The following PTPRK variants were observed in gnomAD, a reference collection of about 807,000 sequenced individuals.
PTPRK encodes the protein receptor-type tyrosine-protein phosphatase kappa.
PTPRK carries 75 observed loss-of-function variants against 178.0 expected under a neutral mutation model. That is an observed-to-expected ratio of 0.42 (90% CI 0.35 to 0.51). PTPRK has a LOEUF of 0.51. PTPRK is among the 20% of genes least tolerant of loss of function. The pLI is 0.02. For synonymous variants in PTPRK, 637 were observed against 620.6 expected, an observed-to-expected ratio of 1.03 and a Z score of -0.39; for missense variants, 1,441 against 1,797.8, an observed-to-expected ratio of 0.80 and a Z score of 3.59.
chr6:128,103,642 A>G (rs1276149225), intron 7 of PTPRK, among the ~76,000 whole-genome samples: 2 of 152,186 alleles, frequency 1.3e-5, no homozygotes, highest in African/African-American at 4.8e-5. Context: ...AATCTGACAC[A>G]TCACATCCTT....
chr6:128,182,893 A>G (rs1267885872), intron 7 of PTPRK, among the ~76,000 whole-genome samples: 1 of 152,160 alleles, frequency 6.6e-6, no homozygotes, highest in Non-Finnish European at 1.5e-5. Flanking sequence ...CTAATTTTTT[A>G]AAGACCTATT....
rs1238961835 is a variant in PTPRK, at chr6:127,998,838, C to T, written c.2561G>A (p.Gly854Glu). 3 of 1,608,206 alleles carry T rather than the reference C, an allele frequency of 1.9e-6. No individual in the cohort carries two copies. The highest frequency in any genetic ancestry group is 2.6e-6 in the Non-Finnish European group (3 of 1,176,262). Residue 854 changes from glycine (G) to glutamate (E), a missense_variant, in exon 16 of 30, where the codon GGG becomes GAG. Physicochemically the swap from Gly to Glu is moderately conservative, Grantham distance 98 (BLOSUM62 -2). Coordinates refer to ENST00000368226, the MANE Select transcript of PTPRK (RefSeq NM_002844.4). ...TCCTGTCTGGTAAGGGGATTCCGTCCCCTCACAGAGGTAGCGAGGTACGTC... is the reference window on the plus strand; with the variant it reads ...TCCTGTCTGGTAAGGGGATTCCGTCTCCTCACAGAGGTAGCGAGGTACGTC... ...LLDVPRYLCE[G>E]TESPYQTGQL...
At chr6:128,402,198 T>C (rs1841109592) in intron 1 of PTPRK, among the ~76,000 whole-genome samples, 1 of 152,214 alleles carries the variant, frequency 6.6e-6, no homozygotes, top group African/African-American at 2.4e-5. Flanking sequence ...GTAATACAGT[T>C]TATTCCCAGA....
chr6:128,456,806 T>C (rs1454832628), intron 1 of PTPRK, among the ~76,000 whole-genome samples: 4 of 152,146 alleles, frequency 2.6e-5, no homozygotes, highest in African/African-American at 9.6e-5. Context: ...TGTCCTTCAT[T>C]GGCTTTTTAC....
rs948690249 is a variant in PTPRK at position 128,238,525 on chromosome 6, T to A, written c.693+1510A>T. ...AGGGCAGACCTACAGAGCCTCTAGA[T>A]CTCCAAGAAAAGACTATATAGCTCA... On this transcript the variant is annotated intron_variant, in intron 5 of 29. Transcript: ENST00000368226. 3.3e-5 allele frequency among the ~76,000 whole-genome samples: 5 copies of A among 152,096 alleles called. No individual in the cohort carries two copies. The East Asian group carries it at 7.7e-4, about 23-fold the overall frequency.
intron 2 of PTPRK, among the ~76,000 whole-genome samples, chr6:128,375,890 T>C (rs1192970645): frequency 1.3e-5 from 2 of 152,140 alleles, no homozygotes; most frequent in African/African-American, 2.4e-5. Context: ...AATCTTAAAT[T>C]CCAAAATGAG....
intron 5 of PTPRK, among the ~76,000 whole-genome samples, chr6:128,235,882 T>G (rs1051202444): frequency 2.6e-5 from 4 of 152,136 alleles, no homozygotes; most frequent in African/African-American, 9.7e-5. Context: ...ATGAGTTATT[T>G]TATCATTTCA....
At chr6:128,138,728 C>G (rs1452592624) in intron 7 of PTPRK, among the ~76,000 whole-genome samples, 2 of 152,088 alleles carry the variant, frequency 1.3e-5, no homozygotes, top group Non-Finnish European at 2.9e-5. Flanking sequence ...CTTCAAGCAA[C>G]TAGGTGTCCT....
intron 7 of PTPRK, among the ~76,000 whole-genome samples, chr6:128,180,946 T>A (rs1392425157): frequency 6.6e-6 from 1 of 151,766 alleles, no homozygotes; most frequent in Non-Finnish European, 1.5e-5. Flanking sequence ...AGAAAAGGAG[T>A]TGAGGCCCAT....
chr6:128,226,761 CATATAT>C (rs71028117), intron 5 of PTPRK, among the ~76,000 whole-genome samples: 19,425 of 109,374 alleles, frequency 0.18, 1,625 homozygotes, highest in Non-Finnish European at 0.19. Flanking sequence ...ATTATATAGA[CATATAT>C]ATATATATAT....
intron 1 of PTPRK, among the ~76,000 whole-genome samples, chr6:128,470,446 G>A (rs898318766): frequency 3.3e-5 from 5 of 151,762 alleles, no homozygotes; most frequent in African/African-American, 4.8e-5. Flanking sequence ...TCAATCCAAC[G>A]TAAGTTCACA....
At chr6:128,234,814 G>A (rs567181300) in intron 5 of PTPRK, among the ~76,000 whole-genome samples, 1 of 152,216 alleles carries the variant, frequency 6.6e-6, no homozygotes, top group African/African-American at 2.4e-5. Context: ...GTGGGCACAT[G>A]TCTTAATTTC....
At chr6:128,356,235 G>C (rs1429987645) in intron 2 of PTPRK, among the ~76,000 whole-genome samples, 1 of 152,026 alleles carries the variant, frequency 6.6e-6, no homozygotes, top group African/African-American at 2.4e-5. Flanking sequence ...CCCCTGCATA[G>C]AATCTCCTCC....
intron 1 of PTPRK, among the ~76,000 whole-genome samples, chr6:128,416,370 G>A (rs929807064): frequency 1.3e-5 from 2 of 151,600 alleles, no homozygotes; most frequent in African/African-American, 4.8e-5. Flanking sequence ...GGCCGGGCAC[G>A]GTGGCTCACA....
chr6:128,382,944 AT>A, intron 2 of PTPRK, among the ~76,000 whole-genome samples: 1 of 152,140 alleles, frequency 6.6e-6, no homozygotes, highest in Non-Finnish European at 1.5e-5. Flanking sequence ...ATGTCATCCT[AT>A]TTTTTAAAGG....
chr6:127,982,792 G>C (rs377676000), intron 24 of PTPRK, 39 bp downstream of exon 24: 199 of 1,561,310 alleles, frequency 1.3e-4, no homozygotes, highest in Non-Finnish European at 1.7e-4. Flanking sequence ...AGAACAAATT[G>C]TAGTAAGTCA....
At chr6:128,142,057 TTTAG>T (rs1167966444) in intron 7 of PTPRK, among the ~76,000 whole-genome samples, 2 of 151,984 alleles carry the variant, frequency 1.3e-5, no homozygotes, top group African/African-American at 4.8e-5. Context: ...TATATGTGCA[TTTAG>T]TTATATATTC....
At chr6:128,441,595 A>G (rs1846289996) in intron 1 of PTPRK, among the ~76,000 whole-genome samples, 1 of 152,184 alleles carries the variant, frequency 6.6e-6, no homozygotes, top group East Asian at 1.9e-4. Context: ...TCTCTCCTCT[A>G]GATAGTGTAG....
At chr6:128,399,772 T>C (rs1840787679) in intron 1 of PTPRK, among the ~76,000 whole-genome samples, 1 of 152,172 alleles carries the variant, frequency 6.6e-6, no homozygotes, top group Non-Finnish European at 1.5e-5. Context: ...CCACTGTTAA[T>C]TTTAGACTAC....
Sources: gnomAD v4.1 joint callset for allele counts (sites outside exome capture counted in the v4.1 genomes callset) on GRCh38, gnomAD v4.1.1 for gene constraint, MANE v1.5 for transcripts, NCBI Gene and HGNC (gene_info 2026-07-23, HGNC 2026-07-21) for gene names.